Variants in ADGRE3 observed in about 807,000 individuals in gnomAD.
ADGRE3 encodes EGF-like module receptor 3.
Under a neutral mutation model 80.1 loss-of-function variants are expected in ADGRE3, and 88 were observed. That is an observed-to-expected ratio of 1.10 (90% confidence interval 0.93 to 1.31). ADGRE3 has a LOEUF of 1.31. Ranked by LOEUF, ADGRE3 falls within the 40% of genes most tolerant of loss-of-function variation. The pLI is 0.00. For synonymous variants in ADGRE3, 281 were observed against 294.8 expected, an observed-to-expected ratio of 0.95 and a Z score of 0.48; for missense variants, 715 against 776.5, an observed-to-expected ratio of 0.92 and a Z score of 0.94.
rs184798872 is a variant in ADGRE3, at chr19:14,672,713, G to A, written c.25+2033C>T. On this transcript the variant is annotated intron_variant, in intron 1 of 15. Coordinates refer to ENST00000253673, the MANE Select transcript of ADGRE3 (RefSeq NM_032571.5). ...TAACCTTGAACTCCTGAGCTCAAGC[G>A]ATCCTCCCACCTCAGCCTCCAGGGT... Among the ~76,000 whole-genome samples the A allele has an allele frequency of 5.3e-5, 8 of 152,174 alleles. 1 individual carries two copies. Among genetic ancestry groups the A allele is most frequent in the East Asian group, 3.9e-4 (2 of 5,184 alleles).
the ADGRE3 span, chr19:14,610,008 A>C: frequency 9.3e-6 from 12 of 1,295,948 alleles, no homozygotes; most frequent in South Asian, 1.2e-5. Flanking sequence ...ATTATACAGA[A>C]GAGTTTCACC....
At chr19:14,609,795 G>A in the ADGRE3 span, among the ~76,000 whole-genome samples, 2 of 151,632 alleles carry the variant, frequency 1.3e-5, no homozygotes, top group Admixed American at 6.6e-5. Flanking sequence ...CCGAGATCAC[G>A]CCACTGCACT....
chr19:14,628,648 T>C, intron 14 of ADGRE3: 1 of 336,582 alleles, frequency 3.0e-6, no homozygotes, highest in South Asian at 2.8e-5. Context: ...GTTCAAGACC[T>C]CATCATGCCC....
chr19:14,652,367 T>C lies in ADGRE3; in HGVS notation c.578-1163A>G, dbSNP rs530423103. 2.4e-4 allele frequency among the ~76,000 whole-genome samples: 36 copies of C among 152,194 alleles called. No homozygotes were observed. In the South Asian group the frequency reaches 6.0e-3, roughly 25 times the overall value. On this transcript the variant is annotated intron_variant, in intron 6 of 15. Coordinates refer to ENST00000253673, the MANE Select transcript of ADGRE3 (RefSeq NM_032571.5). ...AGACAACCCAAGACTGGCTGTGAGA[T>C]GGAAATCGTTGAATTGGGTGATGGG...
At chr19:14,602,512 T>C in the ADGRE3 span, among the ~76,000 whole-genome samples, 1 of 152,080 alleles carries the variant, frequency 6.6e-6, no homozygotes, top group Non-Finnish European at 1.5e-5. Context: ...CAGGCTGGTC[T>C]GGAACTCCTG....
Position 14,669,951 on chromosome 19 carries a change from T to A in ADGRE3, c.26-1099A>T, listed in dbSNP as rs575054612. Among the ~76,000 whole-genome samples the A allele has an allele frequency of 1.1e-4, 16 of 152,156 alleles. No individual in the cohort carries two copies. The South Asian group carries it at 2.1e-3, about 20-fold the overall frequency. On this transcript the variant is annotated intron_variant, in intron 1 of 15. Coordinates refer to ENST00000253673, the MANE Select transcript of ADGRE3 (RefSeq NM_032571.5). ...ATGTGGGGTGGTGAGGGTTGAAAAA[T>A]TACCTATTCGGTACAATGTTTAATG...
chr19:14,671,212 A>G (rs1023236313), intron 1 of ADGRE3, among the ~76,000 whole-genome samples: 5 of 152,158 alleles, frequency 3.3e-5, no homozygotes, highest in Non-Finnish European at 7.3e-5. Context: ...GGCTTAAAAC[A>G]ACACTGATTT....
intron 5 of ADGRE3, 60 bp downstream of exon 5, chr19:14,658,453 T>A (rs1971838469): frequency 7.3e-7 from 1 of 1,379,126 alleles, no homozygotes; most frequent in African/African-American, 1.5e-5. Flanking sequence ...TTGGGCTTTG[T>A]AAATATTTGT....
chr19:14,657,984 C>T (rs1055333088), intron 5 of ADGRE3, among the ~76,000 whole-genome samples: 8 of 151,944 alleles, frequency 5.3e-5, no homozygotes, highest in Admixed American at 3.9e-4. Context: ...AGGCTGGTCT[C>T]GAACTCCTGA....
At position 14,638,348 on chromosome 19, in the gene ADGRE3, AG is replaced by A; in HGVS notation, c.1249-9del. 6.2e-7 allele frequency: 1 copy of A among 1,610,080 alleles called. No individual in the cohort carries two copies. The highest frequency in any genetic ancestry group is 1.7e-4 in the Middle Eastern group (1 of 6,050). ...GATGATGGAGCACAGCACCTGGGGG[AG>A]GAGAAAGGGATGCCTGAAGGGGTTG... On this transcript the variant is annotated splice_polypyrimidine_tract_variant and intron_variant, in intron 10 of 15. Coordinates refer to ENST00000253673, the MANE Select transcript of ADGRE3 (RefSeq NM_032571.5).
At chr19:14,638,065 T>G (rs756193398) in intron 11 of ADGRE3, 40 bp downstream of exon 11, 2 of 1,486,094 alleles carry the variant, frequency 1.3e-6, no homozygotes, top group Admixed American at 3.4e-5. Flanking sequence ...AAAGCTTTCT[T>G]AGGAAACTGT....
At chr19:14,601,948 A>C in the ADGRE3 span, among the ~76,000 whole-genome samples, 1 of 151,908 alleles carries the variant, frequency 6.6e-6, no homozygotes, top group Non-Finnish European at 1.5e-5. Context: ...GCCCGCCACC[A>C]CACCCAGCTA....
At chr19:14,610,163 G>A in the ADGRE3 span, 15 of 1,588,384 alleles carry the variant, frequency 9.4e-6, no homozygotes, top group Middle Eastern at 1.7e-4. Context: ...ACAAAACTAC[G>A]TATTGGATTT....
At chr19:14,672,226 C>A (rs974115761) in intron 1 of ADGRE3, among the ~76,000 whole-genome samples, 1 of 152,126 alleles carries the variant, frequency 6.6e-6, no homozygotes, top group African/African-American at 2.4e-5. Flanking sequence ...AACCAGCAAG[C>A]CTGTACTCAC....
chr19:14,607,124 G>A, the ADGRE3 span: 16 of 1,179,708 alleles, frequency 1.4e-5, no homozygotes, highest in African/African-American at 4.7e-5. Flanking sequence ...GGTTTCCTGG[G>A]GTCTCTCTGC....
At chr19:14,636,041 C>CT (rs1347225891) in intron 11 of ADGRE3, among the ~76,000 whole-genome samples, 11 of 74,962 alleles carry the variant, frequency 1.5e-4, no homozygotes, top group Non-Finnish European at 2.4e-4. Flanking sequence ...TCCTTCCTTC[C>CT]TTCCTTCCTT....
intron 10 of ADGRE3, among the ~76,000 whole-genome samples, chr19:14,639,616 A>G (rs908274445): frequency 2.6e-5 from 4 of 151,990 alleles, no homozygotes; most frequent in African/African-American, 7.3e-5. Context: ...AGGTCTCACT[A>G]TATTGCCCAG....
downstream of ADGRE3, among the ~76,000 whole-genome samples, chr19:14,615,694 G>A (rs1057000056): frequency 6.6e-6 from 1 of 151,152 alleles, no homozygotes; most frequent in Non-Finnish European, 1.5e-5. Flanking sequence ...CCCGGGAGGC[G>A]AAAGTTACAG....
At chr19:14,635,931 T>G (rs1400204747) in intron 11 of ADGRE3, among the ~76,000 whole-genome samples, 2 of 151,942 alleles carry the variant, frequency 1.3e-5, no homozygotes, top group Non-Finnish European at 2.9e-5. Context: ...GCACCTTTGG[T>G]TCATCCTGGA....
Sources: allele counts gnomAD v4.1 joint callset (sites outside exome capture counted in the v4.1 genomes callset), GRCh38; gene constraint gnomAD v4.1.1; transcripts MANE v1.5; gene names NCBI Gene and HGNC (gene_info 2026-07-23, HGNC 2026-07-21).